Variants in DCC observed in about 807,000 individuals in gnomAD.
The protein encoded by DCC is netrin receptor DCC.
A neutral mutation model predicts 172.5 loss-of-function variants in DCC; 58 were observed. The observed-to-expected ratio is 0.34, with a 90% CI of 0.27 to 0.42. The LOEUF is 0.42. Among genes scored for constraint, DCC ranks in the 10% least tolerant of loss-of-function variants. The pLI, the probability that DCC is intolerant of heterozygous loss-of-function variation, is 1.00. For missense variants in DCC, 1,740 were observed against 1,791.0 expected, an observed-to-expected ratio of 0.97 and a Z score of 0.51; for synonymous variants, 709 against 644.5, an observed-to-expected ratio of 1.10 and a Z score of -1.52.
chr18:53,116,576 A>G (rs1210980098), intron 7 of DCC, among the ~76,000 whole-genome samples: 1 of 151,490 alleles, frequency 6.6e-6, no homozygotes, highest in Non-Finnish European at 1.5e-5. Flanking sequence ...TCTTTTTTTG[A>G]TTTGTTACAC....
rs34457182 is a variant in DCC at position 52,929,817 on chromosome 18, A to AACACACACACACACAC, written c.985+4478_985+4493dup. Among the ~76,000 whole-genome samples the AACACACACACACACAC allele has an allele frequency of 2.2e-3, 325 of 144,858 alleles. 3 individuals carry two copies. The highest frequency in any genetic ancestry group is 7.1e-3 in the Middle Eastern group (2 of 280). On this transcript the variant is annotated intron_variant, in intron 5 of 28. Coordinates refer to ENST00000442544, the MANE Select transcript of DCC (RefSeq NM_005215.4). ...ATAATCCAAAGACCTGGACTTTGCA[A>AACACACACACACACAC]ACACACACACACACACACACACACA...
intron 1 of DCC, among the ~76,000 whole-genome samples, chr18:52,401,826 A>G (rs1218290651): frequency 2.0e-5 from 3 of 152,026 alleles, no homozygotes; most frequent in Admixed American, 6.6e-5. Flanking sequence ...TCCTAAAGTA[A>G]TATTTCTGAC....
chr18:53,261,011 G>C (rs1349685086), intron 12 of DCC, among the ~76,000 whole-genome samples: 2 of 152,178 alleles, frequency 1.3e-5, no homozygotes, highest in Non-Finnish European at 2.9e-5. Context: ...CCAGGCACTG[G>C]ATATAATCTC....
At chr18:53,364,686 A>G (rs72927275) in intron 15 of DCC, among the ~76,000 whole-genome samples, 19,017 of 152,104 alleles carry the variant, frequency 0.13, 1,261 homozygotes, top group East Asian at 0.21. Flanking sequence ...TCTTTTTCAT[A>G]CATGTATAAA....
At chr18:53,038,331 A>C (rs2042122823) in intron 5 of DCC, among the ~76,000 whole-genome samples, 2 of 151,996 alleles carry the variant, frequency 1.3e-5, no homozygotes, top group South Asian at 4.1e-4. Flanking sequence ...AAAATATCAT[A>C]AACGGAGTGG....
chr18:53,443,121 A>G lies in DCC; in HGVS notation c.3230-7379A>G, dbSNP rs79383186. 2.6e-4 allele frequency among the ~76,000 whole-genome samples: 40 copies of G among 152,346 alleles called. No individual in the cohort carries two copies. In the East Asian group the frequency reaches 7.7e-3, roughly 29 times the overall value. ...TGGCTGCACTAAACAAGAGATTTTC[A>G]ACACAGACAAAAGAACCGTATATTG... is the stretch of plus-strand genomic sequence containing the variant. On this transcript the variant is annotated intron_variant, in intron 22 of 28. Coordinates refer to ENST00000442544, the MANE Select transcript of DCC (RefSeq NM_005215.4).
intron 1 of DCC, among the ~76,000 whole-genome samples, chr18:52,704,698 G>A (rs1365763270): frequency 6.6e-6 from 1 of 152,150 alleles, no homozygotes; most frequent in African/African-American, 2.4e-5. Context: ...TAAACAGGCT[G>A]GCCTCTGTCT....
At chr18:52,438,292 T>A (rs1987861461) in intron 1 of DCC, among the ~76,000 whole-genome samples, 1 of 152,202 alleles carries the variant, frequency 6.6e-6, no homozygotes, top group African/African-American at 2.4e-5. Context: ...AATCAAGGAA[T>A]TCTGTCACTC....
chr18:52,781,064 G>C (rs932121368), intron 2 of DCC, among the ~76,000 whole-genome samples: 1 of 152,142 alleles, frequency 6.6e-6, no homozygotes, highest in African/African-American at 2.4e-5. Context: ...CCCAGGGAAA[G>C]TGTCTATTTT....
chr18:52,349,117 C>A (rs568451465), intron 1 of DCC, among the ~76,000 whole-genome samples: 2 of 152,134 alleles, frequency 1.3e-5, no homozygotes, highest in Non-Finnish European at 2.9e-5. Flanking sequence ...GGCCCAATAT[C>A]ATTGTTACAT....
At chr18:52,593,682 T>A (rs755346694) in intron 1 of DCC, among the ~76,000 whole-genome samples, 1 of 152,240 alleles carries the variant, frequency 6.6e-6, no homozygotes, top group Non-Finnish European at 1.5e-5. Context: ...TATTTGGTGC[T>A]GGACAATGCT....
At chr18:52,860,991 G>A (rs1218533362) in intron 2 of DCC, among the ~76,000 whole-genome samples, 6 of 141,484 alleles carry the variant, frequency 4.2e-5, no homozygotes, top group Non-Finnish European at 6.1e-5. Context: ...GGATGACAAA[G>A]CGAGAATCTG....
At chr18:53,358,635 C>T (rs549994791) in intron 15 of DCC, among the ~76,000 whole-genome samples, 19 of 149,964 alleles carry the variant, frequency 1.3e-4, no homozygotes, top group Non-Finnish European at 2.5e-4. Flanking sequence ...ATTCTCCTGC[C>T]TCAGCCTCCC....
intron 26 of DCC, among the ~76,000 whole-genome samples, chr18:53,492,371 G>A (rs1277707212): frequency 1.3e-5 from 2 of 152,108 alleles, no homozygotes; most frequent in African/African-American, 4.8e-5. Flanking sequence ...TAGTCATGAA[G>A]TCTTTTCCCG....
At chr18:53,263,303 C>T (rs2056627891) in intron 12 of DCC, among the ~76,000 whole-genome samples, 1 of 152,040 alleles carries the variant, frequency 6.6e-6, no homozygotes, top group Non-Finnish European at 1.5e-5. Context: ...AGGTGCCTGC[C>T]ACCATGTCTG....
Position 53,450,783 on chromosome 18 carries a change from A to G in DCC, c.3392+121A>G. 8.2e-6 allele frequency: 7 copies of G among 850,852 alleles called. No individual in the cohort carries two copies. In the South Asian group the frequency reaches 1.0e-4, roughly 12 times the overall value. The allele number at this position is 850,852 out of a possible 1,614,324, so 52.7% of individuals were successfully genotyped here. A position where few individuals can be genotyped will look rare whatever the true frequency, so the allele number is the denominator to read the frequency against. The stretch of plus-strand genomic sequence containing the variant: ...CATGTCCTTACTTCCTAACCCTGGC[A>G]AAACCTTGCGTTTTGTCTATTCCAG... On this transcript the variant is annotated intron_variant, in intron 23 of 28. Coordinates refer to ENST00000442544, the MANE Select transcript of DCC (RefSeq NM_005215.4).
chr18:52,963,121 TAAA>T (rs201071419), intron 5 of DCC, among the ~76,000 whole-genome samples: 2 of 151,098 alleles, frequency 1.3e-5, no homozygotes, highest in African/African-American at 4.9e-5. Context: ...ATTAAAAAAA[TAAA>T]AAAAAGTGAA....
chr18:52,663,287 A>G (rs988785001), intron 1 of DCC, among the ~76,000 whole-genome samples: 7 of 152,196 alleles, frequency 4.6e-5, no homozygotes, highest in African/African-American at 1.2e-4. Context: ...GAAAGAACCA[A>G]TAAAGAGGAA....
chr18:53,411,061 TATGAC>T (rs1686052984), intron 20 of DCC, among the ~76,000 whole-genome samples: 1 of 152,010 alleles, frequency 6.6e-6, no homozygotes, highest in Admixed American at 6.6e-5. Flanking sequence ...AAAATTTTGA[TATGAC>T]AAGACAGAAA....
Sources: gnomAD v4.1 joint callset for allele counts (sites outside exome capture counted in the v4.1 genomes callset) on GRCh38, gnomAD v4.1.1 for gene constraint, MANE v1.5 for transcripts, NCBI Gene and HGNC (gene_info 2026-07-23, HGNC 2026-07-21) for gene names.